PIGN: variants seen among roughly 807,000 people sequenced by gnomAD.
PIGN encodes the protein phosphatidylinositol glycan anchor biosynthesis class N.
Under a neutral mutation model 125.4 loss-of-function variants are expected in PIGN, and 117 were observed. The observed-to-expected ratio is 0.93, with a 90% CI of 0.80 to 1.09. PIGN has a LOEUF of 1.09. PIGN is among the 50% of genes least tolerant of loss of function. PIGN has a pLI of 0.00. For missense variants in PIGN, 1,075 were observed against 1,094.9 expected, an observed-to-expected ratio of 0.98 and a Z score of 0.26; for synonymous variants, 392 against 377.8, an observed-to-expected ratio of 1.04 and a Z score of -0.44.
intron 5 of PIGN, 40 bp downstream of exon 5, chr18:62,157,647 C>A: frequency 6.3e-7 from 1 of 1,576,946 alleles, no homozygotes; most frequent in South Asian, 1.1e-5. Flanking sequence ...ATTTACTTGA[C>A]AAATTTTTCA....
At chr18:62,021,142 A>C (rs73964831) in intron 23 of PIGN, among the ~76,000 whole-genome samples, 3,196 of 152,266 alleles carry the variant, frequency 0.021, 111 homozygotes, top group African/African-American at 0.073. Flanking sequence ...GGCATTTCAC[A>C]CCTAGGTATT....
At chr18:62,181,925 C>T (rs2037732639) in intron 1 of PIGN, among the ~76,000 whole-genome samples, 2 of 152,208 alleles carry the variant, frequency 1.3e-5, no homozygotes, top group South Asian at 4.1e-4. Flanking sequence ...AGGGTTTCAC[C>T]ATGTTGGCCA....
intron 7 of PIGN, chr18:62,153,633 T>C (rs1374199245): frequency 6.6e-6 from 1 of 152,164 alleles, no homozygotes; most frequent in African/African-American, 2.4e-5. Context: ...GTTGAAAGTT[T>C]TCCCTGTTGA....
At chr18:62,029,286 C>G (rs1485254654) in intron 23 of PIGN, among the ~76,000 whole-genome samples, 1 of 152,166 alleles carries the variant, frequency 6.6e-6, no homozygotes, top group Non-Finnish European at 1.5e-5. Flanking sequence ...CCTCTCTCTT[C>G]TTTTTTCTCA....
chr18:62,086,118 A>C (rs1471934560), intron 25 of PIGN, among the ~76,000 whole-genome samples: 3 of 151,928 alleles, frequency 2.0e-5, no homozygotes, highest in Non-Finnish European at 4.4e-5. Flanking sequence ...GAATATAAAC[A>C]TAAATAAAAT....
chr18:62,089,386 A>T (rs2033857770), intron 24 of PIGN, among the ~76,000 whole-genome samples: 1 of 152,120 alleles, frequency 6.6e-6, no homozygotes, highest in African/African-American at 2.4e-5. Flanking sequence ...ATCACCCTCC[A>T]CAAATAGAAC....
chr18:62,053,020 T>C, intron 30 of PIGN: 1 of 358,460 alleles, frequency 2.8e-6, no homozygotes. Context: ...AAGAACTCAG[T>C]AAGTAAAAAT....
rs529381889 is a variant in PIGN, at chr18:62,141,043, C to T, written c.964-564G>A. ...TCTTCGCTTCCTCACCTTCCCATCA[C>T]TCTTCTGCCCACTGTGACTCACTAT... On this transcript the variant is annotated intron_variant, in intron 11 of 30. Coordinates refer to ENST00000640252, the MANE Select transcript of PIGN (RefSeq NM_176787.5). 1.7e-4 allele frequency among the ~76,000 whole-genome samples: 26 copies of T among 152,282 alleles called. 1 individual carries two copies. In the South Asian group the frequency reaches 5.2e-3, roughly 30 times the overall value.
rs758322403 is a variant in PIGN at position 62,088,742 on chromosome 18, T to A, written c.2370+14A>T. 1.3e-6 allele frequency: 2 copies of A among 1,482,058 alleles called. No homozygotes were observed. The highest frequency in any genetic ancestry group is 2.4e-5 in the South Asian group (2 of 82,516). 91.8% of individuals were successfully genotyped at this position (1,482,058 alleles called of 1,614,324 possible). On this transcript the variant is annotated intron_variant, in intron 25 of 30. Coordinates refer to ENST00000640252, the MANE Select transcript of PIGN (RefSeq NM_176787.5). ...AGTTGCAGCTCTTTAAACCAAAGTC[T>A]CCACAAAGGATACAAGGAAAAAGGC...
intron 14 of PIGN, among the ~76,000 whole-genome samples, chr18:62,125,095 T>TATATACACGTTTGTACATGTGTATATAA (rs2035463706): frequency 7.2e-6 from 1 of 139,124 alleles, no homozygotes; most frequent in East Asian, 2.2e-4. Flanking sequence ...CATACATGTA[T>TATATACACGTTTGTACATGTGTATATAA]ATATACACGT....
chr18:62,047,247 A>G (rs1423091757), intron 30 of PIGN, among the ~76,000 whole-genome samples: 2 of 152,208 alleles, frequency 1.3e-5, no homozygotes, highest in Non-Finnish European at 2.9e-5. Flanking sequence ...CTCCCCGGCT[A>G]TGCCCTCCCC....
chr18:62,114,883 A>C (rs1176293544), intron 14 of PIGN, among the ~76,000 whole-genome samples: 2 of 152,210 alleles, frequency 1.3e-5, no homozygotes, highest in East Asian at 1.9e-4. Flanking sequence ...AAGTCATATA[A>C]TCCATCATTC....
chr18:62,181,622 G>A (rs1228633334), intron 1 of PIGN, among the ~76,000 whole-genome samples: 1 of 152,110 alleles, frequency 6.6e-6, no homozygotes, highest in Non-Finnish European at 1.5e-5. Flanking sequence ...ATGTTGCCCA[G>A]GCTGGTCTTG....
intron 22 of PIGN, 107 bp downstream of exon 22, chr18:62,100,968 G>A: frequency 1.5e-6 from 1 of 685,790 alleles, no homozygotes; most frequent in Non-Finnish European, 2.6e-6. Flanking sequence ...TTATTTTCCT[G>A]CAATAAAATT....
intron 10 of PIGN, among the ~76,000 whole-genome samples, chr18:62,145,502 G>C (rs191464746): frequency 6.6e-6 from 1 of 152,254 alleles, no homozygotes; most frequent in East Asian, 1.9e-4. Flanking sequence ...CTTGTAGGTA[G>C]GGTGATTTTA....
At position 62,095,011 on chromosome 18, in the gene PIGN, G is replaced by A. The variant is rs558678261; in HGVS notation, c.2180+837C>T. On this transcript the variant is annotated intron_variant, in intron 23 of 30. Transcript: ENST00000640252. ...ACTAAGTTTCCAAAAGGGAGAACCT[G>A]AGCCTTAGACCCCAAATGGCTTTAC... is the stretch of plus-strand genomic sequence containing the variant. Among the ~76,000 whole-genome samples, 6 of 152,278 alleles carry A rather than the reference G, an allele frequency of 3.9e-5. No individual in the cohort carries two copies. In the East Asian group the frequency reaches 1.2e-3, roughly 29 times the overall value.
chr18:62,157,358 C>T (rs969567833), intron 5 of PIGN, 131 bp from the exon 6 acceptor site: 1 of 539,300 alleles, frequency 1.9e-6, no homozygotes, highest in Non-Finnish European at 3.3e-6. Context: ...TTATATTATG[C>T]ATATTATACC....
At chr18:62,155,752 T>C (rs2036707466) in intron 6 of PIGN, among the ~76,000 whole-genome samples, 1 of 152,142 alleles carries the variant, frequency 6.6e-6, no homozygotes, top group African/African-American at 2.4e-5. Context: ...TCTAATTCAA[T>C]TATTTGTCCT....
intron 28 of PIGN, among the ~76,000 whole-genome samples, chr18:62,082,410 T>C (rs983492073): frequency 6.6e-6 from 1 of 152,134 alleles, no homozygotes; most frequent in African/African-American, 2.4e-5. Flanking sequence ...TACTGTTTTC[T>C]AGGGAGGTTC....
Sources: allele counts gnomAD v4.1 joint callset (sites outside exome capture counted in the v4.1 genomes callset), GRCh38; gene constraint gnomAD v4.1.1; transcripts MANE v1.5; gene names NCBI Gene and HGNC (gene_info 2026-07-23, HGNC 2026-07-21).